The following STK33 variants were observed in gnomAD, a reference collection of about 807,000 sequenced individuals.
STK33 encodes the protein serine/threonine kinase 33.
Under a neutral mutation model 58.0 loss-of-function variants are expected in STK33, and 52 were observed. That is an observed-to-expected ratio of 0.90 (90% CI 0.72 to 1.13). The LOEUF (loss-of-function observed/expected upper bound fraction) is 1.13, where lower values mean the gene tolerates loss of function less well. STK33 is among the 50% of genes most tolerant of loss of function. The pLI, the probability that STK33 is intolerant of heterozygous loss-of-function variation, is 0.00. For missense variants in STK33, 630 were observed against 604.2 expected, an observed-to-expected ratio of 1.04 and a Z score of -0.45; for synonymous variants, 215 against 200.1, an observed-to-expected ratio of 1.07 and a Z score of -0.63.
intron 1 of STK33, among the ~76,000 whole-genome samples, chr11:8,539,948 G>A (rs1350478612): frequency 6.6e-6 from 1 of 152,044 alleles, no homozygotes; most frequent in African/African-American, 2.4e-5. Flanking sequence ...AATCCTTAGC[G>A]CACTGTTGGT....
At chr11:8,492,095 T>A (rs1950663230) in intron 1 of STK33, among the ~76,000 whole-genome samples, 1 of 152,108 alleles carries the variant, frequency 6.6e-6, no homozygotes, top group Non-Finnish European at 1.5e-5. Flanking sequence ...CACATAACAA[T>A]ATTAACCTTA....
chr11:8,572,827 C>T (rs1401091340), intron 1 of STK33, among the ~76,000 whole-genome samples: 3 of 150,422 alleles, frequency 2.0e-5, no homozygotes, highest in Non-Finnish European at 3.0e-5. Flanking sequence ...CAGATACTGC[C>T]GAAGAAAAAA....
At chr11:8,464,524 T>C (rs928525857) in intron 7 of STK33, among the ~76,000 whole-genome samples, 185 bp downstream of exon 7, 1 of 152,192 alleles carries the variant, frequency 6.6e-6, no homozygotes, top group Non-Finnish European at 1.5e-5. Context: ...AGCACTTGCC[T>C]ACTTGAGTTC....
At chr11:8,529,072 A>G (rs1217864387) in intron 1 of STK33, among the ~76,000 whole-genome samples, 1 of 152,238 alleles carries the variant, frequency 6.6e-6, no homozygotes, top group Non-Finnish European at 1.5e-5. Flanking sequence ...CGTAGTAAAC[A>G]GCGAAACTAG....
At chr11:8,353,615 C>T in the STK33 span, among the ~76,000 whole-genome samples, 2 of 152,184 alleles carry the variant, frequency 1.3e-5, no homozygotes, top group South Asian at 2.1e-4. Context: ...CCTCCTCTTT[C>T]CCCACCTTAA....
intron 1 of STK33, among the ~76,000 whole-genome samples, chr11:8,523,233 G>A (rs1279248249): frequency 1.3e-5 from 2 of 152,070 alleles, no homozygotes; most frequent in African/African-American, 2.4e-5. Context: ...GAAGTGAGGA[G>A]CGTCTCTGCC....
chr11:8,421,010 T>C (rs1941842868), intron 14 of STK33, among the ~76,000 whole-genome samples: 1 of 151,784 alleles, frequency 6.6e-6, no homozygotes, highest in Non-Finnish European at 1.5e-5. Context: ...GGGGGGAATA[T>C]TTTTTGTTTT....
chr11:8,476,105 AG>A (rs1949246840), intron 4 of STK33, among the ~76,000 whole-genome samples: 1 of 152,288 alleles, frequency 6.6e-6, no homozygotes, highest in African/African-American at 2.4e-5. Flanking sequence ...TTTACCTAAA[AG>A]TTGTCCTCTC....
the STK33 span, among the ~76,000 whole-genome samples, chr11:8,345,246 C>A: frequency 1.3e-5 from 2 of 152,336 alleles, no homozygotes; most frequent in East Asian, 3.9e-4. Context: ...CAACCCCAGA[C>A]TTCTAATCTT....
At chr11:8,457,933 G>C (rs760043149) in intron 8 of STK33, among the ~76,000 whole-genome samples, 2 of 152,188 alleles carry the variant, frequency 1.3e-5, no homozygotes, top group Non-Finnish European at 2.9e-5. Flanking sequence ...TAATAACATG[G>C]AGAACTTGGT....
downstream of STK33, among the ~76,000 whole-genome samples, chr11:8,387,310 A>G (rs1268029520): frequency 6.6e-6 from 1 of 152,150 alleles, no homozygotes; most frequent in Non-Finnish European, 1.5e-5. Context: ...AGGGGAGCAA[A>G]AACACGAACA....
chr11:8,485,128 CT>C (rs532100639), intron 1 of STK33, among the ~76,000 whole-genome samples: 1 of 152,130 alleles, frequency 6.6e-6, no homozygotes, highest in African/African-American at 2.4e-5. Context: ...CTGAAAGCTA[CT>C]TTTGTTGAAC....
chr11:8,485,194 T>C (rs1288872915), intron 1 of STK33, among the ~76,000 whole-genome samples: 4 of 152,160 alleles, frequency 2.6e-5, no homozygotes, highest in African/African-American at 4.8e-5. Flanking sequence ...ATTTGGGAAG[T>C]AGAGGTTATA....
intron 15 of STK33, among the ~76,000 whole-genome samples, chr11:8,395,020 G>A (rs1269026365): frequency 6.6e-6 from 1 of 152,174 alleles, no homozygotes; most frequent in African/African-American, 2.4e-5. Flanking sequence ...ATTTCAGAGA[G>A]ATTTTATGCA....
intron 1 of STK33, among the ~76,000 whole-genome samples, chr11:8,528,644 A>T (rs1365595472): frequency 6.6e-6 from 1 of 152,264 alleles, no homozygotes; most frequent in African/African-American, 2.4e-5. Context: ...TTAAGACTAA[A>T]GACCAAAACC....
intron 1 of STK33, among the ~76,000 whole-genome samples, chr11:8,499,669 G>C (rs1429843375): frequency 1.3e-5 from 2 of 152,124 alleles, no homozygotes; most frequent in African/African-American, 4.8e-5. Context: ...TTGGAACCAA[G>C]CCAAATATCC....
chr11:8,348,382 G>A, the STK33 span, among the ~76,000 whole-genome samples: 1 of 152,176 alleles, frequency 6.6e-6, no homozygotes, highest in Admixed American at 6.5e-5. Context: ...TCTTCACAAG[G>A]TGGCAGGAGA....
At chr11:8,473,932 G>A (rs1354062402) in intron 5 of STK33, among the ~76,000 whole-genome samples, 1 of 152,146 alleles carries the variant, frequency 6.6e-6, no homozygotes, top group African/African-American at 2.4e-5. Context: ...CAGCACTTTG[G>A]GAGGCCAAGG....
intron 1 of STK33, among the ~76,000 whole-genome samples, chr11:8,485,440 C>G (rs984648814): frequency 3.3e-5 from 5 of 152,168 alleles, no homozygotes; most frequent in Non-Finnish European, 7.4e-5. Flanking sequence ...CCAAGTCAAA[C>G]TGAACCTAAA....
Sources: allele counts gnomAD v4.1 joint callset (sites outside exome capture counted in the v4.1 genomes callset), GRCh38; gene constraint gnomAD v4.1.1; transcripts MANE v1.5; gene names NCBI Gene and HGNC (gene_info 2026-07-23, HGNC 2026-07-21).